The following UPF2 variants were observed in gnomAD, a reference collection of about 807,000 sequenced individuals.
The protein encoded by UPF2 is UPF2 regulator of nonsense mediated mRNA decay.
Under a neutral mutation model 141.4 loss-of-function variants are expected in UPF2, and 17 were observed. The observed-to-expected ratio is 0.12, with a 90% CI of 0.08 to 0.18. UPF2 has a LOEUF of 0.18. Among genes scored for constraint, UPF2 ranks in the 10% least tolerant of loss-of-function variants. UPF2 has a pLI of 1.00. For missense variants in UPF2, 1,152 were observed against 1,515.9 expected, an observed-to-expected ratio of 0.76 and a Z score of 3.99; for synonymous variants, 540 against 498.0, an observed-to-expected ratio of 1.08 and a Z score of -1.12.
chr10:11,955,865 G>A (rs917277092), intron 13 of UPF2, among the ~76,000 whole-genome samples: 5 of 152,082 alleles, frequency 3.3e-5, no homozygotes, highest in Admixed American at 1.3e-4. Context: ...CTGTTAGGCC[G>A]GGCGCAGTAG....
chr10:11,987,984 G>A (rs1408065103), intron 8 of UPF2, among the ~76,000 whole-genome samples: 1 of 152,044 alleles, frequency 6.6e-6, no homozygotes, highest in Non-Finnish European at 1.5e-5. Context: ...CTCAGAGGAT[G>A]GGAGAAAATA....
intron 9 of UPF2, among the ~76,000 whole-genome samples, chr10:11,969,023 G>C (rs959139829): frequency 6.6e-6 from 1 of 151,998 alleles, no homozygotes; most frequent in Non-Finnish European, 1.5e-5. Context: ...ATCATGCCCG[G>C]CTAAATTTTT....
At chr10:12,024,940 A>AAAC (rs1834390239) in intron 3 of UPF2, among the ~76,000 whole-genome samples, 1 of 146,714 alleles carries the variant, frequency 6.8e-6, no homozygotes, top group East Asian at 2.0e-4. Flanking sequence ...ACAAAAAAAA[A>AAAC]AAAAAAAAAA....
At chr10:12,024,792 G>C (rs975910538) in intron 3 of UPF2, among the ~76,000 whole-genome samples, 1 of 151,426 alleles carries the variant, frequency 6.6e-6, no homozygotes, top group South Asian at 2.1e-4. Context: ...AAATAACCAG[G>C]CATGGTAGCA....
chr10:11,954,689 A>C (rs533792917), intron 14 of UPF2, among the ~76,000 whole-genome samples: 98 of 148,672 alleles, frequency 6.6e-4, no homozygotes, highest in African/African-American at 2.1e-3. Context: ...AGAAACAAGA[A>C]TTTGGGCTGG....
In UPF2 at chr10:11,992,148, A is replaced by C. The variant is rs1833791054; in HGVS notation, c.1844+5524T>G. ...AATAGAGCAAAACTCAGTCTCAAAA[A>C]AAAAAATGAAAATGACCTTCAGCAA... On this transcript the variant is annotated intron_variant, in intron 8 of 21. Transcript: ENST00000357604. The surrounding 1 kb of genome is among the most constrained non-coding windows in gnomAD (Gnocchi z 4.1). Among the ~76,000 whole-genome samples the C allele has an allele frequency of 2.0e-5, 3 of 152,124 alleles. No homozygotes were observed. The highest frequency in any genetic ancestry group is 4.4e-5 in the Non-Finnish European group (3 of 68,022).
chr10:11,949,713 C>A (rs929845998), intron 15 of UPF2, among the ~76,000 whole-genome samples: 4 of 152,122 alleles, frequency 2.6e-5, no homozygotes, highest in African/African-American at 9.7e-5. Flanking sequence ...TGTGATTTAA[C>A]CCTCTCATTT....
At chr10:11,952,769 C>T (rs1395663088) in intron 14 of UPF2, among the ~76,000 whole-genome samples, 6 of 151,968 alleles carry the variant, frequency 3.9e-5, no homozygotes, top group East Asian at 1.9e-4. Flanking sequence ...CCACTGCGCC[C>T]GGCCCTAGAT....
chr10:12,009,841 G>A (rs1157852138), intron 4 of UPF2, among the ~76,000 whole-genome samples: 1 of 152,182 alleles, frequency 6.6e-6, no homozygotes, highest in Non-Finnish European at 1.5e-5. Flanking sequence ...ATTCAGCTGA[G>A]TACTGATCAG....
intron 4 of UPF2, among the ~76,000 whole-genome samples, chr10:12,013,501 C>G (rs1299922644): frequency 6.6e-6 from 1 of 152,044 alleles, no homozygotes; most frequent in East Asian, 1.9e-4. Context: ...TCTTGAACTC[C>G]TGACCTTGTG....
At chr10:11,974,219 G>A (rs190027068) in intron 9 of UPF2, among the ~76,000 whole-genome samples, 6 of 152,206 alleles carry the variant, frequency 3.9e-5, no homozygotes, top group Middle Eastern at 3.4e-3. Flanking sequence ...ATTTCTGCAC[G>A]TTGATTTTGT....
intron 11 of UPF2, among the ~76,000 whole-genome samples, chr10:11,961,904 T>A (rs1427056897): frequency 6.6e-6 from 1 of 152,172 alleles, no homozygotes; most frequent in Non-Finnish European, 1.5e-5. Context: ...TTCTCTTGTC[T>A]CCTAGGATTT....
intron 4 of UPF2, among the ~76,000 whole-genome samples, chr10:12,008,054 T>C (rs1834065071): frequency 6.6e-6 from 1 of 151,794 alleles, no homozygotes; most frequent in African/African-American, 2.4e-5. Context: ...AGCTAACTTT[T>C]GTATTTTTTG....
At chr10:11,932,787 A>G (rs535119888) in intron 19 of UPF2, among the ~76,000 whole-genome samples, 17 of 152,322 alleles carry the variant, frequency 1.1e-4, no homozygotes, top group African/African-American at 4.1e-4. Flanking sequence ...CAGCTACTCC[A>G]TGACTGTAGC....
intron 1 of UPF2, chr10:12,035,952 G>C (rs555859823): frequency 6.6e-6 from 1 of 152,388 alleles, no homozygotes; most frequent in Non-Finnish European, 1.5e-5. Flanking sequence ...GGACAAAACA[G>C]AACAGCGGAC....
chr10:12,039,746 G>A (rs1365328715), intron 1 of UPF2, among the ~76,000 whole-genome samples: 4 of 151,160 alleles, frequency 2.6e-5, no homozygotes, highest in Admixed American at 6.6e-5. Flanking sequence ...TCAGCCTCCC[G>A]AGTAGCTGGG....
chr10:11,926,611 G>A (rs139852285), intron 21 of UPF2, among the ~76,000 whole-genome samples: 14 of 152,390 alleles, frequency 9.2e-5, no homozygotes, highest in African/African-American at 3.1e-4. Flanking sequence ...ACAATGCAAA[G>A]TGCTGCTGAG....
chr10:11,948,614 C>G (rs769123884), intron 15 of UPF2, 106 bp from the exon 16 acceptor site: 1 of 1,261,892 alleles, frequency 7.9e-7, no homozygotes, highest in African/African-American at 1.5e-5. Flanking sequence ...AATTCAACAG[C>G]CATTTTCTCA....
At chr10:12,038,294 T>C (rs756888961) in intron 1 of UPF2, among the ~76,000 whole-genome samples, 55 of 150,016 alleles carry the variant, frequency 3.7e-4, no homozygotes, top group Admixed American at 1.1e-3. Flanking sequence ...GAGGCAGAAC[T>C]GCTTGAACCC....
Sources: gnomAD v4.1 joint callset for allele counts (sites outside exome capture counted in the v4.1 genomes callset) on GRCh38, gnomAD v4.1.1 for gene constraint, Gnocchi (gnomAD v3.1) non-coding constraint, MANE v1.5 for transcripts, NCBI Gene and HGNC (gene_info 2026-07-23, HGNC 2026-07-21) for gene names.